The following MCPH1 variants were observed in gnomAD, a reference collection of about 807,000 sequenced individuals.
MCPH1 encodes microcephalin.
Under a neutral mutation model 84.5 loss-of-function variants are expected in MCPH1, and 104 were observed. The observed-to-expected ratio is 1.23, with a 90% CI of 1.05 to 1.45. The LOEUF is 1.45. MCPH1 is among the 40% of genes most tolerant of loss of function. The probability of loss-of-function intolerance (pLI) is 0.00; values close to 1 mark genes in which losing one functional copy is unlikely to be tolerated. For synonymous variants in MCPH1, 514 were observed against 366.8 expected, an observed-to-expected ratio of 1.40 and a Z score of -4.58; for missense variants, 1,498 against 1,005.7, an observed-to-expected ratio of 1.49 and a Z score of -6.62.
chr8:6,612,423 G>A (rs1234313462), intron 12 of MCPH1, among the ~76,000 whole-genome samples: 1 of 152,170 alleles, frequency 6.6e-6, no homozygotes, highest in Admixed American at 6.5e-5. Flanking sequence ...GTGCCGCCTG[G>A]CAGTGCTGCT....
At chr8:6,482,406 T>G (rs1291298780) in intron 11 of MCPH1, among the ~76,000 whole-genome samples, 2 of 152,276 alleles carry the variant, frequency 1.3e-5, no homozygotes, top group Admixed American at 6.5e-5. Context: ...GGCCACGGAC[T>G]GTGCCCCCTT....
chr8:6,457,835 G>T (rs375170909), intron 9 of MCPH1, among the ~76,000 whole-genome samples: 2 of 151,888 alleles, frequency 1.3e-5, no homozygotes, highest in South Asian at 2.1e-4. Flanking sequence ...AGTGTTCACC[G>T]CACAGCCTTT....
At chr8:6,621,390 T>C (rs1417989283) in intron 12 of MCPH1, 64 bp from the exon 13 acceptor site, 1 of 1,591,752 alleles carries the variant, frequency 6.3e-7, no homozygotes, top group Non-Finnish European at 8.6e-7. Flanking sequence ...CTGCAACAGT[T>C]CGCCTACGCT....
At chr8:6,626,001 A>G in intron 13 of MCPH1, 1 of 985,270 alleles carries the variant, frequency 1.0e-6, no homozygotes, top group Non-Finnish European at 1.2e-6. Flanking sequence ...TACTGAAACG[A>G]CAGCTCTTCC....
At chr8:6,600,131 C>G (rs1162826825) in intron 12 of MCPH1, among the ~76,000 whole-genome samples, 1 of 152,246 alleles carries the variant, frequency 6.6e-6, no homozygotes, top group Non-Finnish European at 1.5e-5. Context: ...CAGAAATCTT[C>G]AGGTTGGAAT....
At chr8:6,456,141 C>G (rs1805651165) in intron 9 of MCPH1, among the ~76,000 whole-genome samples, 1 of 152,006 alleles carries the variant, frequency 6.6e-6, no homozygotes, top group South Asian at 2.1e-4. Flanking sequence ...TTTACTGATG[C>G]TTTCTGGTTT....
At chr8:6,606,976 T>C (rs1829831255) in intron 12 of MCPH1, among the ~76,000 whole-genome samples, 1 of 152,220 alleles carries the variant, frequency 6.6e-6, no homozygotes, top group East Asian at 1.9e-4. Context: ...CCTCTTTCTT[T>C]TGTAAATTGC....
At chr8:6,620,720 G>A (rs1278493409) in intron 12 of MCPH1, among the ~76,000 whole-genome samples, 2 of 152,136 alleles carry the variant, frequency 1.3e-5, no homozygotes, top group Non-Finnish European at 2.9e-5. Flanking sequence ...TTACCAACCC[G>A]TAGTTAGGAA....
At chr8:6,510,968 C>T (rs1310117836) in intron 12 of MCPH1, among the ~76,000 whole-genome samples, 2 of 152,194 alleles carry the variant, frequency 1.3e-5, no homozygotes, top group Non-Finnish European at 2.9e-5. Flanking sequence ...ATACTCATCT[C>T]TGTTGGGATT....
intron 4 of MCPH1, among the ~76,000 whole-genome samples, chr8:6,432,672 A>T (rs1239473185): frequency 1.3e-5 from 2 of 152,236 alleles, no homozygotes; most frequent in African/African-American, 4.8e-5. Flanking sequence ...ACTAGAGGAG[A>T]AATAACTGTG....
intron 12 of MCPH1, chr8:6,503,255 C>T: frequency 6.2e-7 from 1 of 1,614,034 alleles, no homozygotes; most frequent in Non-Finnish European, 8.5e-7. Flanking sequence ...TGCATCAAAC[C>T]ACCAGCCTGT....
intron 8 of MCPH1, among the ~76,000 whole-genome samples, chr8:6,451,387 C>T (rs1039782327): frequency 4.6e-5 from 7 of 152,182 alleles, no homozygotes; most frequent in African/African-American, 1.7e-4. Context: ...AAAGCTCTGT[C>T]CCTTGCTTTA....
chr8:6,551,571 C>T (rs1357875006), intron 12 of MCPH1, among the ~76,000 whole-genome samples: 1 of 152,142 alleles, frequency 6.6e-6, no homozygotes. Context: ...TTTTTTAACT[C>T]ATAACATTTT....
chr8:6,624,778 G>T (rs1006729618), intron 13 of MCPH1: 1 of 982,590 alleles, frequency 1.0e-6, no homozygotes, highest in Non-Finnish European at 1.2e-6. Context: ...ACATACACAC[G>T]TAAACCTACA....
intron 12 of MCPH1, among the ~76,000 whole-genome samples, chr8:6,568,725 C>T (rs1183559174): frequency 1.3e-5 from 2 of 152,336 alleles, no homozygotes; most frequent in South Asian, 2.1e-4. Flanking sequence ...CATCGTTTTC[C>T]ATCAGGCCTG....
intron 12 of MCPH1, among the ~76,000 whole-genome samples, chr8:6,557,126 C>T (rs1563122973): frequency 6.6e-6 from 1 of 152,200 alleles, no homozygotes; most frequent in Non-Finnish European, 1.5e-5. Context: ...TCACACTCCT[C>T]TCAGCAGTTT....
At chr8:6,587,995 T>C (rs1170910668) in intron 12 of MCPH1, among the ~76,000 whole-genome samples, 1 of 152,202 alleles carries the variant, frequency 6.6e-6, no homozygotes, top group Admixed American at 6.5e-5. Flanking sequence ...CTCTCAACCA[T>C]TTGTCTTAAG....
intron 3 of MCPH1, among the ~76,000 whole-genome samples, chr8:6,419,416 T>C (rs1799833414): frequency 6.6e-6 from 1 of 151,996 alleles, no homozygotes; most frequent in Admixed American, 6.6e-5. Flanking sequence ...TTTTTTCTTT[T>C]TGAGATGGAG....
chr8:6,529,312 G>T lies in MCPH1; in HGVS notation c.2214+29383G>T, dbSNP rs867944956. ...CGTCTCTCATTCTGACAGGCTTGGA[G>T]AATCTTGCTTCTAATCAGAAATTTT... On this transcript the variant is annotated intron_variant, in intron 12 of 13. Coordinates refer to ENST00000344683, the MANE Select transcript of MCPH1 (RefSeq NM_024596.5). Among the ~76,000 whole-genome samples, 5 of 152,294 alleles carry T rather than the reference G, an allele frequency of 3.3e-5. 1 individual carries two copies. Among genetic ancestry groups the T allele is most frequent in the Middle Eastern group, 6.8e-3 (2 of 294 alleles).
Sources: gnomAD v4.1 joint callset for allele counts (sites outside exome capture counted in the v4.1 genomes callset) on GRCh38, gnomAD v4.1.1 for gene constraint, MANE v1.5 for transcripts, NCBI Gene and HGNC (gene_info 2026-07-23, HGNC 2026-07-21) for gene names.